The following FRMPD4 variants were observed in gnomAD, a reference collection of about 807,000 sequenced individuals.
FRMPD4 encodes the protein FERM and PDZ domain containing 4.
FRMPD4 carries 22 observed loss-of-function variants against 94.1 expected under a neutral mutation model. The ratio of observed to expected loss-of-function variants is 0.23; its 90% confidence interval spans 0.17 to 0.33. The LOEUF (loss-of-function observed/expected upper bound fraction) is 0.33, where lower values mean the gene tolerates loss of function less well. FRMPD4 is among the 10% of genes least tolerant of loss of function. FRMPD4 has a pLI of 1.00. For synonymous variants in FRMPD4, 631 were observed against 548.6 expected (o/e 1.15, Z -2.10); for missense variants, 1,111 against 1,339.9 (o/e 0.83, Z 2.67).
chrX:11,882,940 C>G (rs899480445), intron 3 of FRMPD4, among the ~76,000 whole-genome samples: 1 of 111,715 alleles, frequency 9.0e-6, no homozygotes, highest in Non-Finnish European at 1.9e-5. Context: ...TTTGGCAACA[C>G]ATATGGCTTT....
chrX:12,100,614 T>C (rs1345643195), intron 3 of FRMPD4, among the ~76,000 whole-genome samples: 1 of 112,161 alleles, frequency 8.9e-6, no homozygotes, highest in Non-Finnish European at 1.9e-5. Context: ...AAATATTTGC[T>C]ACTTATTGTT....
chrX:11,876,932 A>G (rs2062489471), intron 2 of FRMPD4, among the ~76,000 whole-genome samples: 1 of 112,326 alleles, frequency 8.9e-6, no homozygotes, highest in Admixed American at 9.4e-5. Flanking sequence ...GGGAGATGCT[A>G]CTGATATCTA....
rs1238463016 is a variant in FRMPD4, at chrX:12,463,685, TTTTTTTGTTTTTG to T, written c.42-34988_42-34976del. On this transcript the variant is annotated intron_variant, in intron 1 of 16. Coordinates refer to ENST00000675598, the MANE Select transcript of FRMPD4 (RefSeq NM_001368397.1). ...GCCTGTGCCTCCTATGTGTGTGTTT[TTTTTTTGTTTTTG>T]TTTTTTTTTTTTAACAGAGCATGAA... 2.1e-4 allele frequency among the ~76,000 whole-genome samples: 18 copies of T among 86,086 alleles called. No homozygotes were observed. The South Asian group carries it at 2.3e-3, about 11-fold the overall frequency. 74.8% of individuals were successfully genotyped at this position (86,086 alleles called of 115,157 possible).
At chrX:12,189,827 A>G (rs1450863469) in intron 1 of FRMPD4, among the ~76,000 whole-genome samples, 6 of 111,485 alleles carry the variant, frequency 5.4e-5, no homozygotes, top group Admixed American at 4.8e-4. Context: ...AATGATGCAA[A>G]GATGTGTCCT....
intron 3 of FRMPD4, among the ~76,000 whole-genome samples, chrX:11,902,259 G>A (rs2053942690): frequency 8.9e-6 from 1 of 112,241 alleles, no homozygotes; most frequent in South Asian, 3.7e-4. Context: ...TAACAAAATG[G>A]CACAGACTTG....
At chrX:12,095,296 G>A (rs2055189006) in intron 3 of FRMPD4, among the ~76,000 whole-genome samples, 2 of 108,485 alleles carry the variant, frequency 1.8e-5, no homozygotes, top group African/African-American at 6.7e-5. Context: ...GAGGATCACT[G>A]GAGCAGGGGT....
intron 3 of FRMPD4, among the ~76,000 whole-genome samples, chrX:12,095,214 A>G (rs758151953): frequency 4.5e-5 from 5 of 110,016 alleles, no homozygotes; most frequent in Non-Finnish European, 9.5e-5. Flanking sequence ...CTGTCTCTAT[A>G]AAAACATTTA....
At chrX:12,184,846 T>TG (rs2056403882) in intron 1 of FRMPD4, among the ~76,000 whole-genome samples, 1 of 110,597 alleles carries the variant, frequency 9.0e-6, no homozygotes, top group African/African-American at 3.3e-5. Flanking sequence ...GGAAGGGTAG[T>TG]GGGGGGTGAT....
intron 3 of FRMPD4, among the ~76,000 whole-genome samples, chrX:12,078,903 G>C (rs1221338898): frequency 1.8e-5 from 2 of 111,603 alleles, no homozygotes; most frequent in Admixed American, 1.9e-4. Context: ...CCTCAATTGA[G>C]ATCCACTAAG....
chrX:12,137,421 C>T (rs2055611629), upstream of FRMPD4, among the ~76,000 whole-genome samples: 1 of 112,363 alleles, frequency 8.9e-6, no homozygotes, highest in Admixed American at 9.4e-5. Context: ...CTTTCTTAAT[C>T]CCCTCGGAGA....
chrX:12,445,266 A>G (rs2057181513), intron 1 of FRMPD4, among the ~76,000 whole-genome samples: 1 of 112,527 alleles, frequency 8.9e-6, no homozygotes, highest in African/African-American at 3.2e-5. Flanking sequence ...TGAATCAGAA[A>G]ATATGTTTTA....
chrX:12,708,405 G>T (rs772212239), intron 13 of FRMPD4, among the ~76,000 whole-genome samples: 6 of 105,002 alleles, frequency 5.7e-5, no homozygotes, highest in Middle Eastern at 4.9e-3. Context: ...AGAGGTGGAG[G>T]TTCCAGTGAG....
At chrX:12,353,584 T>C (rs1351342963) in intron 1 of FRMPD4, among the ~76,000 whole-genome samples, 1 of 112,152 alleles carries the variant, frequency 8.9e-6, no homozygotes, top group Non-Finnish European at 1.9e-5. Flanking sequence ...CCTTTTGTAA[T>C]ACCCTGTATC....
At chrX:12,325,233 C>T (rs1209940971) in intron 1 of FRMPD4, among the ~76,000 whole-genome samples, 1 of 112,105 alleles carries the variant, frequency 8.9e-6, no homozygotes, top group Non-Finnish European at 1.9e-5. Context: ...AACGTAGAGT[C>T]TAAATTTTCC....
At position 11,933,153 on chromosome X, in the gene FRMPD4, C is replaced by T. The variant is rs746143319; in HGVS notation, c.95+55135C>T. Among the ~76,000 whole-genome samples, 3 of 112,491 alleles carry T rather than the reference C, an allele frequency of 2.7e-5. No homozygotes were observed. In the South Asian group the frequency reaches 1.1e-3, roughly 42 times the overall value. On this transcript the variant is annotated intron_variant, in intron 3 of 18. Transcript: ENST00000640291. ...TTGCAAAAGAGAAAGATAAACACTG[C>T]TGACTTAGGTTCCAGCCCTAGATTC...
intron 2 of FRMPD4, among the ~76,000 whole-genome samples, chrX:12,582,867 C>T (rs1401415388): frequency 1.8e-5 from 2 of 112,015 alleles, no homozygotes; most frequent in African/African-American, 6.5e-5. Context: ...TCTGGGAATA[C>T]GGGCGTGCAC....
chrX:12,529,577 C>G (rs2058262969), intron 2 of FRMPD4, among the ~76,000 whole-genome samples: 1 of 112,032 alleles, frequency 8.9e-6, no homozygotes, highest in South Asian at 3.7e-4. Context: ...ATGTTAGTCA[C>G]TGAGGTACAA....
At chrX:12,245,349 CTG>C (rs749675610) in intron 1 of FRMPD4, among the ~76,000 whole-genome samples, 109 of 111,245 alleles carry the variant, frequency 9.8e-4, no homozygotes, top group African/African-American at 3.4e-3. Flanking sequence ...GCGGCCAGCT[CTG>C]AGGCTCATAA....
chrX:12,192,654 C>T (rs898996110), intron 1 of FRMPD4, among the ~76,000 whole-genome samples: 1 of 111,767 alleles, frequency 8.9e-6, no homozygotes, highest in African/African-American at 3.2e-5. Flanking sequence ...CCAAATTTAA[C>T]TAAGTGTGTG....
Sources: gnomAD v4.1 joint callset for allele counts (sites outside exome capture counted in the v4.1 genomes callset) on GRCh38, gnomAD v4.1.1 for gene constraint, MANE v1.5 for transcripts, NCBI Gene and HGNC (gene_info 2026-07-23, HGNC 2026-07-21) for gene names.